The following ANLN variants were observed in gnomAD, a reference collection of about 807,000 sequenced individuals.
The protein encoded by ANLN is anillin.
A neutral mutation model predicts 135.1 loss-of-function variants in ANLN; 59 were observed. That is an observed-to-expected ratio of 0.44 (90% CI 0.35 to 0.54). The LOEUF is 0.54. Among genes scored for constraint, ANLN ranks in the 20% least tolerant of loss-of-function variants. ANLN has a pLI of 0.00. For missense variants in ANLN, 1,182 were observed against 1,340.0 expected, an observed-to-expected ratio of 0.88 and a Z score of 1.84; for synonymous variants, 406 against 456.4, an observed-to-expected ratio of 0.89 and a Z score of 1.41.
Position 36,396,433 on chromosome 7 carries a change from T to C in ANLN, c.172+14T>C. The stretch of plus-strand genomic sequence containing the variant: ...CTGGTGGTGAAGGTAAAAGACTTTG[T>C]GGGGAAAAATAACATTTACTTTTTT... On this transcript the variant is annotated intron_variant, in intron 2 of 23. Transcript: ENST00000265748. 3 of 1,526,144 alleles carry C rather than the reference T, an allele frequency of 2.0e-6. No homozygotes were observed. Among genetic ancestry groups the C allele is most frequent in the Non-Finnish European group, 2.7e-6 (3 of 1,129,538 alleles). The allele number at this position is 1,526,144 out of a possible 1,614,324, so 94.5% of individuals were successfully genotyped here.
chr7:36,447,571 C>G (rs1789062584), intron 22 of ANLN, among the ~76,000 whole-genome samples: 1 of 151,784 alleles, frequency 6.6e-6, no homozygotes, highest in African/African-American at 2.4e-5. Context: ...ACTACAGGTG[C>G]CCGCCACCAT....
At chr7:36,393,319 C>T (rs906829537) in intron 1 of ANLN, among the ~76,000 whole-genome samples, 4 of 152,198 alleles carry the variant, frequency 2.6e-5, no homozygotes, top group African/African-American at 9.7e-5. Flanking sequence ...CCACTGTGCC[C>T]AGCAGAGACT....
chr7:36,394,946 G>T (rs191300820), intron 1 of ANLN, among the ~76,000 whole-genome samples: 141 of 152,238 alleles, frequency 9.3e-4, no homozygotes, highest in Admixed American at 2.7e-3. Flanking sequence ...TGACTTTATG[G>T]AATGGCTAAG....
chr7:36,419,591 T>G lies in ANLN; in HGVS notation c.1869+112T>G, dbSNP rs1025451236. On this transcript the variant is annotated intron_variant, in intron 10 of 23. Transcript: ENST00000265748. Reference sequence around the variant, plus strand: ...ATTTGGCTCAGTAGCCAAGGGAATTTTGCAGACCTGTTGTCTGTTCTCTTA... The same window carrying G: ...ATTTGGCTCAGTAGCCAAGGGAATTGTGCAGACCTGTTGTCTGTTCTCTTA... 1.9e-5 allele frequency: 16 copies of G among 835,078 alleles called. No individual in the cohort carries two copies. The African/African-American group carries it at 2.6e-4, about 13-fold the overall frequency. 51.7% of individuals were successfully genotyped at this position (835,078 alleles called of 1,614,324 possible). A position where few individuals can be genotyped will look rare whatever the true frequency, so the allele number is the denominator to read the frequency against.
chr7:36,407,836 A>G lies in ANLN; in HGVS notation c.976A>G (p.Lys326Glu), dbSNP rs371921595. The G allele has an allele frequency of 6.2e-7, 1 of 1,613,808 alleles. No homozygotes were observed. The highest frequency in any genetic ancestry group is 1.3e-5 in the African/African-American group (1 of 74,914). The change falls in exon 5 of 24, where the codon AAA (lysine) becomes GAA (glutamate). Residue 326 changes from lysine to glutamate, a missense_variant. Transcript: ENST00000265748. ...TCCAAAAACTCCTATTAGTCCTCTG[A>G]AAACGGGGGTATCGAAACCAATTGT... is the stretch of plus-strand genomic sequence containing the variant. Reference protein sequence around the residue: ...LLPKTPISPLKTGVSKPIVKS... With the variant: ...LLPKTPISPLETGVSKPIVKS...
rs3779226 is a variant in ANLN at position 36,417,005 on chromosome 7, C to A, written c.1523-75C>A. 0.37 allele frequency: 216,378 copies of A among 580,262 alleles called. 31,917 individuals carry two copies. Among genetic ancestry groups the A allele is most frequent in the East Asian group, 0.51 (13,429 of 26,316 alleles). The allele number at this position is 580,262 out of a possible 1,614,324, so 35.9% of individuals were successfully genotyped here. On this transcript the variant is annotated intron_variant, in intron 8 of 23. Coordinates refer to ENST00000265748, the MANE Select transcript of ANLN (RefSeq NM_018685.5). ...TAGTTTTATAATCAGAAAAAAAAAACACACACAAGATTCCATAATTAGAAA... is the reference window on the plus strand; with the variant it reads ...TAGTTTTATAATCAGAAAAAAAAAAAACACACAAGATTCCATAATTAGAAA...
chr7:36,393,598 G>GA (rs1786571705), intron 1 of ANLN, among the ~76,000 whole-genome samples: 1 of 152,192 alleles, frequency 6.6e-6, no homozygotes, highest in Non-Finnish European at 1.5e-5. Flanking sequence ...ACTTAACGTG[G>GA]AAATACATTA....
At chr7:36,446,972 C>T (rs991969942) in intron 22 of ANLN, among the ~76,000 whole-genome samples, 10 of 152,128 alleles carry the variant, frequency 6.6e-5, no homozygotes, top group Admixed American at 2.0e-4. Flanking sequence ...ATAGTAGTTC[C>T]CCCTTATCCT....
In ANLN at chr7:36,389,863, A is replaced by C. The variant is rs913087135; in HGVS notation, c.-164A>C. On this transcript the variant is annotated 5_prime_UTR_variant, in exon 1 of 24. Transcript: ENST00000265748. ...CAAATTTGAACGGCTGCAGAGGCCGAGTCCGTCACTGGAAGCCGAGAGGAG... is the reference window on the plus strand; with the variant it reads ...CAAATTTGAACGGCTGCAGAGGCCGCGTCCGTCACTGGAAGCCGAGAGGAG... The C allele has an allele frequency of 7.8e-7, 1 of 1,281,142 alleles. No individual in the cohort carries two copies. The highest frequency in any genetic ancestry group is 1.5e-5 in the African/African-American group (1 of 68,424). The allele number at this position is 1,281,142 out of a possible 1,614,324, so 79.4% of individuals were successfully genotyped here. A position where few individuals can be genotyped will look rare whatever the true frequency, so the allele number is the denominator to read the frequency against.
intron 8 of ANLN, among the ~76,000 whole-genome samples, chr7:36,416,299 G>C (rs1292759548): frequency 6.6e-6 from 1 of 152,170 alleles, no homozygotes; most frequent in South Asian, 2.1e-4. Flanking sequence ...GATTACAGGG[G>C]TCAGCCACTG....
In ANLN at chr7:36,392,513, GT is replaced by G. The variant is rs55732261; in HGVS notation, c.18+2484del. On this transcript the variant is annotated intron_variant, in intron 1 of 23. Coordinates refer to ENST00000265748, the MANE Select transcript of ANLN (RefSeq NM_018685.5). ...ACTTCTTGAATATGTTATTGCAGTG[GT>G]TTTTTTTTTTTTTTAATGCCTACAC... is the stretch of plus-strand genomic sequence containing the variant. Among the ~76,000 whole-genome samples, 172 of 140,446 alleles carry G rather than the reference GT, an allele frequency of 1.2e-3. 1 individual carries two copies. Among genetic ancestry groups the G allele is most frequent in the African/African-American group, 3.9e-3 (144 of 36,882 alleles). The allele number at this position is 140,446 out of a possible 152,430, so 92.1% of individuals were successfully genotyped here.
intron 21 of ANLN, among the ~76,000 whole-genome samples, chr7:36,442,901 A>G (rs939792033): frequency 6.6e-6 from 1 of 151,308 alleles, no homozygotes; most frequent in African/African-American, 2.4e-5. Flanking sequence ...AAGTGCTGGG[A>G]TTACAGGTGT....
At chr7:36,402,359 C>T (rs918789530) in intron 3 of ANLN, among the ~76,000 whole-genome samples, 9 of 151,524 alleles carry the variant, frequency 5.9e-5, no homozygotes, top group African/African-American at 1.2e-4. Flanking sequence ...GTGATCCACC[C>T]GCCTCGGCCT....
At chr7:36,400,099 A>G (rs1056062190) in intron 3 of ANLN, among the ~76,000 whole-genome samples, 1 of 152,186 alleles carries the variant, frequency 6.6e-6, no homozygotes, top group African/African-American at 2.4e-5. Context: ...GTGAAAAGTA[A>G]AGTCATTTTA....
rs367548367 is a variant in ANLN at position 36,421,897 on chromosome 7, A to C, written c.2204A>C (p.Tyr735Ser). The C allele has an allele frequency of 6.2e-7, 1 of 1,613,560 alleles. No individual in the cohort carries two copies. Among genetic ancestry groups the C allele is most frequent in the Admixed American group, 1.7e-5 (1 of 59,980 alleles). Residue 735 changes from tyrosine (Y) to serine (S), a missense_variant, in exon 13 of 24, where the codon TAT becomes TCT. By Grantham distance (144) the Tyr-to-Ser change is moderately radical. Around this residue, in one of 3 missense-constraint regions of ANLN, gnomAD observed 1,022 missense variants for 1,134.0 expected, o/e 0.90. Transcript: ENST00000265748. ...NEINMQQTVI[Y>S]QASQALNCCV... ...ATAAATATGCAACAGACAGTGATCT[A>C]TCAAGCTAGCCAGGCTCTTAACTGC...
chr7:36,417,118 A>G lies in ANLN; in HGVS notation c.1561A>G (p.Lys521Glu), dbSNP rs1438849557. The part of the protein sequence containing the change: ...ECEMTKSSPL[K>E]ITLFLEEDKS... Reference sequence around the variant, plus strand: ...CGAAATGACGAAATCTAGCCCTTTGAAAATAACATTGTTTTTAGAAGAGGA... The same window carrying G: ...CGAAATGACGAAATCTAGCCCTTTGGAAATAACATTGTTTTTAGAAGAGGA... Residue 521 changes from lysine to glutamate, a missense_variant, in exon 9 of 24, where the codon AAA (lysine) becomes GAA (glutamate). Lys to Glu is a moderately conservative substitution (Grantham distance 56). Around this residue, in one of 3 missense-constraint regions of ANLN, gnomAD observed 1,022 missense variants for 1,134.0 expected, o/e 0.90. Transcript: ENST00000265748. 6.2e-7 allele frequency: 1 copy of G among 1,609,938 alleles called. No homozygotes were observed.
chr7:36,402,513 A>G (rs569512855), intron 3 of ANLN, among the ~76,000 whole-genome samples: 23 of 152,208 alleles, frequency 1.5e-4, no homozygotes, highest in African/African-American at 4.3e-4. Context: ...CGATTTTTCT[A>G]AAACACTTGC....
intron 20 of ANLN, among the ~76,000 whole-genome samples, chr7:36,429,734 C>T (rs1190835707): frequency 6.6e-6 from 1 of 152,128 alleles, no homozygotes; most frequent in Non-Finnish European, 1.5e-5. Context: ...TAAGAGATTT[C>T]ATTAATCTCT....
At position 36,415,821 on chromosome 7, in the gene ANLN, C is replaced by G. The variant is rs1562798833; in HGVS notation, c.1459C>G (p.Pro487Ala). ...AGGTGTTTCAAAAACTCAGTCACTT[C>G]CAGTAACAGAAAAGGTGACCGAAAA... The part of the protein sequence containing the change: ...HQGVSKTQSL[P>A]VTEKVTENQI... Residue 487 changes from proline (P) to alanine (A), a missense_variant, in exon 8 of 24, where the codon CCA becomes GCA. By Grantham distance (27) the Pro-to-Ala change is conservative (BLOSUM62 -1). This residue lies in a region of ANLN where 1,022 missense variants were observed against 1,134.0 expected (regional missense o/e 0.90). Coordinates refer to ENST00000265748, the MANE Select transcript of ANLN (RefSeq NM_018685.5). The G allele has an allele frequency of 1.2e-6, 2 of 1,610,618 alleles. No individual in the cohort carries two copies. Among genetic ancestry groups the G allele is most frequent in the Admixed American group, 1.7e-5 (1 of 59,250 alleles).
Sources: gnomAD v4.1 joint callset for allele counts (sites outside exome capture counted in the v4.1 genomes callset) on GRCh38, gnomAD v4.1.1 for gene constraint, gnomAD v4.1.1 regional missense constraint, MANE v1.5 for transcripts, NCBI Gene and HGNC (gene_info 2026-07-23, HGNC 2026-07-21) for gene names.